Variants in CHLSN observed in about 807,000 individuals in gnomAD.
The protein encoded by CHLSN is protein cholesin.
chr7:1,107,796 C>G, the CHLSN span, among the ~76,000 whole-genome samples: 1 of 151,356 alleles, frequency 6.6e-6, no homozygotes, highest in Non-Finnish European at 1.5e-5. Context: ...GAGTCCTGCA[C>G]CCCTGGAGGA....
At chr7:992,288 T>G in the CHLSN span, among the ~76,000 whole-genome samples, 1 of 152,188 alleles carries the variant, frequency 6.6e-6, no homozygotes, top group African/African-American at 2.4e-5. Flanking sequence ...CCCTCAGCCG[T>G]GCTGCACGTG....
the CHLSN span, among the ~76,000 whole-genome samples, chr7:1,014,083 A>G: frequency 6.6e-6 from 1 of 152,314 alleles, no homozygotes; most frequent in South Asian, 2.1e-4. Context: ...GGCTACCTCA[A>G]GCAACGCGGC....
At chr7:984,753 T>C in the CHLSN span, among the ~76,000 whole-genome samples, 2 of 152,114 alleles carry the variant, frequency 1.3e-5, no homozygotes, top group Admixed American at 6.5e-5. Context: ...GGTCAGGTGC[T>C]CAGAACCAGC....
chr7:1,005,945 G>T, the CHLSN span, among the ~76,000 whole-genome samples: 1 of 152,262 alleles, frequency 6.6e-6, no homozygotes, highest in Non-Finnish European at 1.5e-5. Flanking sequence ...GGAGGCAGCG[G>T]TCACCTCGCC....
At chr7:1,135,756 C>A in the CHLSN span, among the ~76,000 whole-genome samples, 1 of 138,340 alleles carries the variant, frequency 7.2e-6, no homozygotes, top group African/African-American at 2.8e-5. Context: ...CAGAGTGAGA[C>A]TCCACCTCAA....
chr7:1,041,217 G>GGGCTCCGCGCTGCGGGGAACGGT, the CHLSN span, among the ~76,000 whole-genome samples: 1 of 119,666 alleles, frequency 8.4e-6, no homozygotes, highest in Non-Finnish European at 1.7e-5. Context: ...CAGGGAACGG[G>GGGCTCCGCGCTGCGGGGAACGGT]ACCTGGGCTC....
At chr7:1,079,868 C>T in the CHLSN span, among the ~76,000 whole-genome samples, 1 of 152,256 alleles carries the variant, frequency 6.6e-6, no homozygotes, top group African/African-American at 2.4e-5. Context: ...GTTGTTTAAG[C>T]AGCGAGGGCC....
the CHLSN span, among the ~76,000 whole-genome samples, chr7:999,579 CA>C: frequency 3.3e-5 from 5 of 152,178 alleles, no homozygotes; most frequent in Non-Finnish European, 5.9e-5. Flanking sequence ...AAAACGCCCA[CA>C]AAAAAACAAA....
At chr7:1,124,745 C>CAA in the CHLSN span, among the ~76,000 whole-genome samples, 8,925 of 121,866 alleles carry the variant, frequency 0.073, 661 homozygotes, top group African/African-American at 0.19. Context: ...TAAAAAAGCA[C>CAA]AAAAAAAAAA....
the CHLSN span, among the ~76,000 whole-genome samples, chr7:1,014,898 T>G: frequency 6.6e-6 from 1 of 152,244 alleles, no homozygotes; most frequent in African/African-American, 2.4e-5. Context: ...AGCCCCTTCC[T>G]GCCTGCGGGC....
the CHLSN span, among the ~76,000 whole-genome samples, chr7:1,103,889 G>A: frequency 1.7e-4 from 26 of 152,330 alleles, no homozygotes; most frequent in African/African-American, 4.6e-4. Context: ...GAGAGCACCC[G>A]GTGGGGCAGG....
At chr7:1,021,270 A>G in the CHLSN span, 2 of 557,896 alleles carry the variant, frequency 3.6e-6, no homozygotes, top group Non-Finnish European at 4.5e-6. Context: ...CCCAGCAGGG[A>G]CCTCTAGTGT....
chr7:986,273 G>C, the CHLSN span: 2 of 255,078 alleles, frequency 7.8e-6, no homozygotes, highest in Non-Finnish European at 1.5e-5. Flanking sequence ...CTCAGTGGCG[G>C]CCCTGACTCT....
chr7:1,008,903 T>TACACAGC, the CHLSN span, among the ~76,000 whole-genome samples: 1 of 150,486 alleles, frequency 6.6e-6, no homozygotes, highest in African/African-American at 2.4e-5. Context: ...TGCACACACG[T>TACACAGC]ACACAACACA....
chr7:1,040,037 G>GAAGGCC, the CHLSN span, among the ~76,000 whole-genome samples: 1 of 134,188 alleles, frequency 7.5e-6, no homozygotes. Context: ...AAACACTGCG[G>GAAGGCC]AAGGCTGCAG....
the CHLSN span, among the ~76,000 whole-genome samples, chr7:1,115,491 A>G: frequency 7.2e-5 from 11 of 152,080 alleles, no homozygotes; most frequent in South Asian, 2.1e-3. Context: ...GGATGACTTC[A>G]CTACAGCTCT....
chr7:1,138,246 C>A, the CHLSN span: 2 of 152,280 alleles, frequency 1.3e-5, no homozygotes, highest in African/African-American at 4.8e-5. Flanking sequence ...GTCGCGGACG[C>A]CGCCTTCCGG....
the CHLSN span, among the ~76,000 whole-genome samples, chr7:1,102,563 C>A: frequency 6.7e-6 from 1 of 149,892 alleles, no homozygotes; most frequent in Admixed American, 6.7e-5. Context: ...ACCTTCCATT[C>A]ACCTGTTTTT....
chr7:1,084,590 C>G, the CHLSN span, among the ~76,000 whole-genome samples: 1 of 152,208 alleles, frequency 6.6e-6, no homozygotes, highest in Non-Finnish European at 1.5e-5. Context: ...ACCCTTGCCC[C>G]TGGTGGACCG....
Sources: allele counts gnomAD v4.1 joint callset (sites outside exome capture counted in the v4.1 genomes callset), GRCh38; gene constraint gnomAD v4.1.1; transcripts MANE v1.5; gene names NCBI Gene and HGNC (gene_info 2026-07-23, HGNC 2026-07-21).